EXOC2: variants seen among roughly 807,000 people sequenced by gnomAD.
EXOC2 encodes SEC5-like 1.
In EXOC2, 70 loss-of-function variants were observed where a neutral mutation model predicts 131.8. That is an observed-to-expected ratio of 0.53 (90% CI 0.44 to 0.65). EXOC2 has a LOEUF of 0.65. EXOC2 is among the 30% of genes least tolerant of loss of function. The pLI is 0.00. For missense variants in EXOC2, 923 were observed against 1,108.6 expected, an observed-to-expected ratio of 0.83 and a Z score of 2.38; for synonymous variants, 411 against 398.4, an observed-to-expected ratio of 1.03 and a Z score of -0.38.
intron 26 of EXOC2, among the ~76,000 whole-genome samples, chr6:489,947 G>A (rs1763325904): frequency 6.6e-6 from 1 of 152,224 alleles, no homozygotes; most frequent in Non-Finnish European, 1.5e-5. Context: ...CTCCCGGGAG[G>A]GCGCGGTGGG....
chr6:633,229 T>A, intron 2 of EXOC2, 112 bp from the exon 3 acceptor site: 2 of 1,085,124 alleles, frequency 1.8e-6, no homozygotes, highest in Non-Finnish European at 1.3e-6. Context: ...CATTATTGAA[T>A]ATACCCAATA....
chr6:671,139 T>G (rs1235771867), intron 1 of EXOC2, among the ~76,000 whole-genome samples: 2 of 151,046 alleles, frequency 1.3e-5, no homozygotes, highest in African/African-American at 4.9e-5. Context: ...GGCAAATCAC[T>G]TGAGGTCAGG....
intron 4 of EXOC2, among the ~76,000 whole-genome samples, chr6:626,116 G>A (rs1761554410): frequency 6.6e-6 from 1 of 152,174 alleles, no homozygotes; most frequent in South Asian, 2.1e-4. Context: ...AACTGCCATC[G>A]TAAAGCAGAA....
chr6:514,011 T>C (rs1188834325), intron 23 of EXOC2, among the ~76,000 whole-genome samples: 1 of 152,214 alleles, frequency 6.6e-6, no homozygotes, highest in Admixed American at 6.5e-5. Context: ...TGAAAAATGA[T>C]ATACTTTTGA....
rs1349187606 is a variant in EXOC2 at position 499,690 on chromosome 6, G to C, written c.2391C>G (p.Asn797Lys). The change falls in exon 24 of 28, where the codon AAC becomes AAG. Residue 797 changes from asparagine to lysine, a missense_variant. Asn to Lys is a moderately conservative substitution (Grantham distance 94, BLOSUM62 0). Coordinates refer to ENST00000230449, the MANE Select transcript of EXOC2 (RefSeq NM_018303.6). ...KDCLPPTGVR[N>K]YLKEALVNII... ...TATTCACCAGTGCTTCTTTTAAATA[G>C]TTTCTGACACCTGAAATTGAAATAA... 23 of 1,613,256 alleles carry C rather than the reference G, an allele frequency of 1.4e-5. No individual in the cohort carries two copies. Among genetic ancestry groups the C allele is most frequent in the Non-Finnish European group, 1.9e-5 (23 of 1,179,550 alleles).
At chr6:582,241 ATTT>A (rs35523446) in intron 11 of EXOC2, among the ~76,000 whole-genome samples, 4 of 151,582 alleles carry the variant, frequency 2.6e-5, no homozygotes, top group Admixed American at 6.6e-5. Context: ...AATAGTCGGT[ATTT>A]TTTTTTTTAA....
intron 26 of EXOC2, among the ~76,000 whole-genome samples, chr6:489,829 G>GT (rs1763316775): frequency 1.3e-5 from 2 of 152,110 alleles, no homozygotes; most frequent in Non-Finnish European, 1.5e-5. Context: ...CAGGAAATAC[G>GT]TTTTTGAGCA....
At chr6:547,393 C>T (rs1448664996) in intron 22 of EXOC2, among the ~76,000 whole-genome samples, 2 of 152,228 alleles carry the variant, frequency 1.3e-5, no homozygotes, top group Non-Finnish European at 2.9e-5. Flanking sequence ...GAGAGAAGGT[C>T]TCACACCCAG....
intron 23 of EXOC2, among the ~76,000 whole-genome samples, chr6:502,703 T>TA (rs1764294611): frequency 6.6e-6 from 1 of 152,132 alleles, no homozygotes; most frequent in South Asian, 2.1e-4. Flanking sequence ...CTTCCTATTT[T>TA]GGGTCGAGCA....
chr6:613,993 A>G (rs1760849329), intron 6 of EXOC2, among the ~76,000 whole-genome samples: 2 of 152,236 alleles, frequency 1.3e-5, no homozygotes, highest in South Asian at 4.1e-4. Flanking sequence ...AAAGAATATT[A>G]CAAATAATAT....
chr6:489,643 A>G (rs1204159270), intron 26 of EXOC2, among the ~76,000 whole-genome samples: 3 of 152,238 alleles, frequency 2.0e-5, no homozygotes, highest in Admixed American at 2.0e-4. Flanking sequence ...AAAGTATTAG[A>G]AAAATTACCA....
intron 23 of EXOC2, among the ~76,000 whole-genome samples, chr6:513,180 A>G (rs771616782): frequency 1.2e-4 from 19 of 152,220 alleles, no homozygotes; most frequent in Non-Finnish European, 4.4e-5. Flanking sequence ...GGGTCACTGC[A>G]TGTGTGTTAT....
At chr6:655,866 G>A in intron 1 of EXOC2, 3 of 361,692 alleles carry the variant, frequency 8.3e-6, no homozygotes, top group Non-Finnish European at 1.0e-5. Context: ...AAGAGTTGAA[G>A]AATAACTTTG....
At chr6:677,315 C>T (rs1764192254) in intron 1 of EXOC2, among the ~76,000 whole-genome samples, 1 of 152,192 alleles carries the variant, frequency 6.6e-6, no homozygotes, top group South Asian at 2.1e-4. Context: ...ATTTTGACCC[C>T]TTCATTAGTG....
chr6:535,464 T>A (rs1766382124), intron 22 of EXOC2, among the ~76,000 whole-genome samples: 1 of 152,120 alleles, frequency 6.6e-6, no homozygotes, highest in African/African-American at 2.4e-5. Flanking sequence ...AAAACCCACA[T>A]ATTGCCAAGA....
chr6:507,270 TAC>T (rs1196317496), intron 23 of EXOC2, among the ~76,000 whole-genome samples: 102 of 60,318 alleles, frequency 1.7e-3, no homozygotes, highest in Admixed American at 0.014. Flanking sequence ...CAGCAGTGAC[TAC>T]ACACACACAC....
chr6:616,379 G>A (rs927968187), intron 6 of EXOC2, among the ~76,000 whole-genome samples: 42 of 152,036 alleles, frequency 2.8e-4, no homozygotes, highest in African/African-American at 9.4e-4. Context: ...CGAGGCGGGC[G>A]GATCACGAGG....
intron 23 of EXOC2, among the ~76,000 whole-genome samples, chr6:504,556 G>A (rs964691531): frequency 6.6e-6 from 1 of 152,180 alleles, no homozygotes; most frequent in Admixed American, 6.5e-5. Flanking sequence ...AGTAACGTTA[G>A]TGCTTGATAA....
At chr6:651,853 C>T (rs900675697) in intron 1 of EXOC2, among the ~76,000 whole-genome samples, 8 of 151,734 alleles carry the variant, frequency 5.3e-5, no homozygotes, top group East Asian at 3.9e-4. Flanking sequence ...GTCAGGAATT[C>T]GAGACCAGTC....
Sources: gnomAD v4.1 joint callset for allele counts (sites outside exome capture counted in the v4.1 genomes callset) on GRCh38, gnomAD v4.1.1 for gene constraint, MANE v1.5 for transcripts, NCBI Gene and HGNC (gene_info 2026-07-23, HGNC 2026-07-21) for gene names.